Variants in SLC25A13 observed in about 807,000 individuals in gnomAD.
SLC25A13 encodes solute carrier family 25 member 13, also known as electrogenic aspartate/glutamate antiporter SLC25A13, mitochondrial.
In SLC25A13, 70 loss-of-function variants were observed where a neutral mutation model predicts 85.5. The ratio of observed to expected loss-of-function variants is 0.82; its 90% CI spans 0.68 to 1.00. SLC25A13 has a LOEUF of 1.00. SLC25A13 is among the 50% of genes least tolerant of loss of function. The pLI is 0.00. For synonymous variants in SLC25A13, 259 were observed against 288.7 expected (o/e 0.90, Z 1.04); for missense variants, 765 against 819.8 (o/e 0.93, Z 0.82).
intron 1 of SLC25A13, among the ~76,000 whole-genome samples, chr7:96,302,777 C>A (rs1799598308): frequency 6.6e-6 from 1 of 152,192 alleles, no homozygotes; most frequent in African/African-American, 2.4e-5. Context: ...TGGAGACCAT[C>A]AGCATCACCT....
chr7:96,131,689 G>C, intron 15 of SLC25A13, 54 bp downstream of exon 15: 1 of 1,611,650 alleles, frequency 6.2e-7, no homozygotes, highest in Non-Finnish European at 8.5e-7. Context: ...TGCAGCTAGG[G>C]AAGGGGGGCA....
At chr7:96,171,423 G>C (rs760480472) in intron 12 of SLC25A13, 49 bp downstream of exon 12, 26 of 1,511,666 alleles carry the variant, frequency 1.7e-5, no homozygotes, top group Non-Finnish European at 2.3e-5. Flanking sequence ...CTAGATTCTT[G>C]AGTATGTACA....
intron 1 of SLC25A13, among the ~76,000 whole-genome samples, chr7:96,300,149 C>A (rs1562916511): frequency 6.6e-6 from 1 of 152,152 alleles, no homozygotes; most frequent in Non-Finnish European, 1.5e-5. Flanking sequence ...GTGGCTCATA[C>A]CTATAATCCC....
At chr7:96,289,546 G>A (rs1799031518) in intron 2 of SLC25A13, among the ~76,000 whole-genome samples, 1 of 152,140 alleles carries the variant, frequency 6.6e-6, no homozygotes, top group South Asian at 2.1e-4. Flanking sequence ...AAAATAACCA[G>A]CGTAGAGAAG....
chr7:96,267,048 G>A (rs1798064490), intron 3 of SLC25A13, among the ~76,000 whole-genome samples: 1 of 152,152 alleles, frequency 6.6e-6, no homozygotes, highest in South Asian at 2.1e-4. Context: ...TACCCTAATA[G>A]TATAGAAAAC....
intron 4 of SLC25A13, among the ~76,000 whole-genome samples, chr7:96,221,611 T>C (rs775298324): frequency 6.6e-6 from 1 of 152,196 alleles, no homozygotes; most frequent in South Asian, 2.1e-4. Context: ...TTAAAAATGA[T>C]GGGTAAAGTC....
chr7:96,311,724 A>C (rs1340597613), intron 1 of SLC25A13, among the ~76,000 whole-genome samples: 1 of 152,152 alleles, frequency 6.6e-6, no homozygotes, highest in Non-Finnish European at 1.5e-5. Context: ...CCTTCTGAAA[A>C]CTGAAGAGAA....
At chr7:96,213,099 TAG>T (rs1047471813) in intron 4 of SLC25A13, among the ~76,000 whole-genome samples, 1 of 152,248 alleles carries the variant, frequency 6.6e-6, no homozygotes, top group Non-Finnish European at 1.5e-5. Context: ...AAATATTTTA[TAG>T]ACTCATAAGT....
chr7:96,176,532 T>C (rs1584413146), intron 11 of SLC25A13, among the ~76,000 whole-genome samples: 1 of 152,202 alleles, frequency 6.6e-6, no homozygotes, highest in African/African-American at 2.4e-5. Flanking sequence ...ACAGTATTAA[T>C]GTAGTATTTT....
chr7:96,152,027 C>G (rs537005377), intron 13 of SLC25A13, among the ~76,000 whole-genome samples: 3 of 152,298 alleles, frequency 2.0e-5, no homozygotes, highest in Non-Finnish European at 4.4e-5. Flanking sequence ...ATTTAACATG[C>G]TTGGAGTCAT....
intron 11 of SLC25A13, among the ~76,000 whole-genome samples, chr7:96,176,520 G>C (rs1327176797): frequency 6.6e-6 from 1 of 152,174 alleles, no homozygotes; most frequent in Non-Finnish European, 1.5e-5. Flanking sequence ...GATTTACAGG[G>C]TACAGTATTA....
rs150823451 is a variant in SLC25A13, at chr7:96,204,576, A to G, written c.468+4262T>C. On this transcript the variant is annotated intron_variant, in intron 5 of 17. Coordinates refer to ENST00000265631, the MANE Select transcript of SLC25A13 (RefSeq NM_014251.3). The stretch of plus-strand genomic sequence containing the variant: ...AAGAAAGAAAAGAAAAAGGAAAAAA[A>G]AATTTGGCAAAGGATGTGAATACCT... Among the ~76,000 whole-genome samples the G allele has an allele frequency of 5.2e-3, 797 of 152,312 alleles. 7 individuals carry two copies. The highest frequency in any genetic ancestry group is 0.018 in the African/African-American group (735 of 41,574).
intron 1 of SLC25A13, among the ~76,000 whole-genome samples, chr7:96,299,462 A>G (rs1425908498): frequency 6.6e-6 from 1 of 152,198 alleles, no homozygotes; most frequent in Admixed American, 6.5e-5. Flanking sequence ...TACTGCCCTA[A>G]TTTTACAGAA....
chr7:96,132,858 A>G (rs540591238), intron 14 of SLC25A13, among the ~76,000 whole-genome samples: 18 of 152,292 alleles, frequency 1.2e-4, no homozygotes, highest in Non-Finnish European at 2.6e-4. Flanking sequence ...GTAATGCTGG[A>G]TCTTGGGTAT....
intron 1 of SLC25A13, among the ~76,000 whole-genome samples, chr7:96,318,144 A>C (rs4551263): frequency 6.6e-6 from 1 of 151,944 alleles, no homozygotes; most frequent in Non-Finnish European, 1.5e-5. Context: ...TGTGCCCCCA[A>C]ATTTCCTTCT....
At chr7:96,157,056 G>A (rs114109456) in intron 13 of SLC25A13, among the ~76,000 whole-genome samples, 2,327 of 152,074 alleles carry the variant, frequency 0.015, 56 homozygotes, top group African/African-American at 0.051. Flanking sequence ...AATTTGTATC[G>A]GAAGTCCATG....
chr7:96,197,578 C>T (rs1447594523), intron 5 of SLC25A13, among the ~76,000 whole-genome samples: 1 of 152,118 alleles, frequency 6.6e-6, no homozygotes, highest in Non-Finnish European at 1.5e-5. Flanking sequence ...GGCAGAATGA[C>T]TTAAAATCAA....
chr7:96,155,269 C>G (rs1446037110), intron 13 of SLC25A13, among the ~76,000 whole-genome samples: 2 of 152,192 alleles, frequency 1.3e-5, no homozygotes, highest in Non-Finnish European at 2.9e-5. Context: ...AGACTTCTCT[C>G]TTACCAGTTG....
chr7:96,173,444 T>G (rs1794089947), intron 11 of SLC25A13, among the ~76,000 whole-genome samples: 1 of 152,206 alleles, frequency 6.6e-6, no homozygotes, highest in South Asian at 2.1e-4. Context: ...TCTGTATCTT[T>G]ATATACAACT....
Sources: allele counts gnomAD v4.1 joint callset (sites outside exome capture counted in the v4.1 genomes callset), GRCh38; gene constraint gnomAD v4.1.1; transcripts MANE v1.5; gene names NCBI Gene and HGNC (gene_info 2026-07-23, HGNC 2026-07-21).